The following NAV2 variants were observed in gnomAD, a reference collection of about 807,000 sequenced individuals.
NAV2 encodes the protein neuron navigator 2.
In NAV2, 54 loss-of-function variants were observed where a neutral mutation model predicts 223.2. The ratio of observed to expected loss-of-function variants is 0.24; its 90% CI spans 0.19 to 0.30. NAV2 has a LOEUF of 0.30. Among genes scored for constraint, NAV2 ranks in the 10% least tolerant of loss-of-function variants. The pLI is 1.00. For missense variants in NAV2, 2,806 were observed against 3,147.5 expected (o/e 0.89, Z 2.60); for synonymous variants, 1,279 against 1,239.3 (o/e 1.03, Z -0.67).
chr11:19,789,370 C>G (rs1051102855), intron 1 of NAV2, among the ~76,000 whole-genome samples: 11 of 152,134 alleles, frequency 7.2e-5, no homozygotes, highest in African/African-American at 2.2e-4. Context: ...AAAATCCATC[C>G]TTTGACCTTC....
At chr11:19,945,129 C>A (rs7482711) in intron 8 of NAV2, among the ~76,000 whole-genome samples, 4,557 of 115,434 alleles carry the variant, frequency 0.039, 98 homozygotes, top group Non-Finnish European at 0.055. Context: ...TTCTTTCTTT[C>A]TTTCTTTCTT....
At chr11:19,525,866 C>T (rs115949917) in intron 1 of NAV2, among the ~76,000 whole-genome samples, 2,099 of 152,176 alleles carry the variant, frequency 0.014, 44 homozygotes, top group African/African-American at 0.048. Context: ...ATCTGATGAC[C>T]TGCTGAGATT....
At chr11:20,083,698 G>T (rs537946140) in intron 26 of NAV2, among the ~76,000 whole-genome samples, 1 of 152,280 alleles carries the variant, frequency 6.6e-6, no homozygotes, top group African/African-American at 2.4e-5. Flanking sequence ...TCATGGCCAG[G>T]GTCAGGACAG....
intron 10 of NAV2, among the ~76,000 whole-genome samples, chr11:19,957,477 G>A (rs549654002): frequency 1.6e-4 from 24 of 152,310 alleles, no homozygotes; most frequent in African/African-American, 5.3e-4. Flanking sequence ...CTGCATGGTT[G>A]TGATGTTGTC....
intron 1 of NAV2, among the ~76,000 whole-genome samples, chr11:19,433,816 C>T (rs938347402): frequency 1.3e-5 from 2 of 152,136 alleles, no homozygotes; most frequent in East Asian, 3.8e-4. Context: ...ATCTCACATC[C>T]AATTGAATGT....
At chr11:19,726,602 A>G (rs2051278686) in intron 1 of NAV2, among the ~76,000 whole-genome samples, 2 of 152,230 alleles carry the variant, frequency 1.3e-5, no homozygotes, top group African/African-American at 4.8e-5. Context: ...TGTGGGAATC[A>G]GGGTTGCCAA....
intron 1 of NAV2, among the ~76,000 whole-genome samples, chr11:19,539,028 A>G (rs749452751): frequency 6.6e-6 from 1 of 152,166 alleles, no homozygotes; most frequent in Non-Finnish European, 1.5e-5. Flanking sequence ...TGCTAACAGT[A>G]TGGCTAAAAA....
At chr11:19,875,017 C>T (rs754605151) in intron 4 of NAV2, among the ~76,000 whole-genome samples, 5 of 152,228 alleles carry the variant, frequency 3.3e-5, no homozygotes, top group East Asian at 3.9e-4. Context: ...ATTAGCCGGG[C>T]GTGGTGGCAT....
At chr11:19,655,440 G>C (rs9736469) in intron 1 of NAV2, among the ~76,000 whole-genome samples, 132,615 of 152,086 alleles carry the variant, frequency 0.87, 58,782 homozygotes, top group Middle Eastern at 0.97. Flanking sequence ...GATACATGCA[G>C]ACGTATGTTT....
chr11:19,922,904 C>T lies in NAV2; in HGVS notation c.932-10272C>T, dbSNP rs896161107. 4.6e-5 allele frequency among the ~76,000 whole-genome samples: 7 copies of T among 152,174 alleles called. No homozygotes were observed. In the South Asian group the frequency reaches 1.0e-3, roughly 23 times the overall value. ...ATCCCATGGATTTTCATGGCAGCCACGTCTCTGTAGTGAGTCACAGTGAAC... is the reference window on the plus strand; with the variant it reads ...ATCCCATGGATTTTCATGGCAGCCATGTCTCTGTAGTGAGTCACAGTGAAC... On this transcript the variant is annotated intron_variant, in intron 6 of 37. Coordinates refer to ENST00000349880, the MANE Select transcript of NAV2 (RefSeq NM_145117.5).
At chr11:19,822,222 C>A (rs2059421892) in intron 1 of NAV2, among the ~76,000 whole-genome samples, 1 of 152,178 alleles carries the variant, frequency 6.6e-6, no homozygotes, top group East Asian at 1.9e-4. Context: ...ACAGATGAGG[C>A]AACTGAGTCT....
intron 1 of NAV2, among the ~76,000 whole-genome samples, chr11:19,418,988 C>A (rs1850497761): frequency 6.6e-6 from 1 of 151,918 alleles, no homozygotes. Context: ...AGGGAGGAGG[C>A]AAGGATAACA....
chr11:20,027,572 G>A (rs1026802728), intron 11 of NAV2: 28 of 563,360 alleles, frequency 5.0e-5, no homozygotes, highest in Non-Finnish European at 5.9e-5. Flanking sequence ...TCCAAGGACA[G>A]TAAGGGCCTC....
At chr11:19,833,699 G>T (rs1011220322) in intron 2 of NAV2, among the ~76,000 whole-genome samples, 4 of 152,318 alleles carry the variant, frequency 2.6e-5, no homozygotes, top group African/African-American at 9.6e-5. Context: ...TTAGCTGGGT[G>T]CCTCTGCAAG....
chr11:19,484,753 G>A (rs1280259484), intron 1 of NAV2, among the ~76,000 whole-genome samples: 2 of 152,194 alleles, frequency 1.3e-5, no homozygotes, highest in Admixed American at 1.3e-4. Flanking sequence ...AGGCTGCTGG[G>A]GTCAGGCAGA....
chr11:19,690,472 C>A (rs2049142139), intron 1 of NAV2, among the ~76,000 whole-genome samples: 1 of 152,034 alleles, frequency 6.6e-6, no homozygotes, highest in Admixed American at 6.6e-5. Context: ...CATGGTGAGC[C>A]CTATCTTTTA....
intron 1 of NAV2, among the ~76,000 whole-genome samples, chr11:19,747,061 A>T (rs2053424163): frequency 1.5e-5 from 1 of 66,200 alleles, no homozygotes; most frequent in African/African-American, 5.3e-5. Context: ...ACCCCACAAC[A>T]GTCCCCAGTG....
chr11:19,459,249 C>T (rs1314034212), intron 1 of NAV2, among the ~76,000 whole-genome samples: 1 of 152,182 alleles, frequency 6.6e-6, no homozygotes, highest in East Asian at 1.9e-4. Flanking sequence ...CCAGGGGCAA[C>T]ACACTATGCT....
chr11:20,044,877 C>T, intron 13 of NAV2, 91 bp from the exon 14 acceptor site: 3 of 1,055,762 alleles, frequency 2.8e-6, no homozygotes, highest in Non-Finnish European at 4.1e-6. Flanking sequence ...AAAAGTGAAC[C>T]AGCTCTTCAG....
Sources: allele counts gnomAD v4.1 joint callset (sites outside exome capture counted in the v4.1 genomes callset), GRCh38; gene constraint gnomAD v4.1.1; transcripts MANE v1.5; gene names NCBI Gene and HGNC (gene_info 2026-07-23, HGNC 2026-07-21).